Variants in LRRC4C observed in about 807,000 individuals in gnomAD.
LRRC4C encodes the protein leucine rich repeat containing 4C.
Under a neutral mutation model 33.6 loss-of-function variants are expected in LRRC4C, and 5 were observed. The observed-to-expected ratio is 0.15, with a 90% confidence interval of 0.08 to 0.31. The LOEUF is 0.31. Among genes scored for constraint, LRRC4C ranks in the 10% least tolerant of loss-of-function variants. LRRC4C has a pLI of 1.00. For synonymous variants in LRRC4C, 329 were observed against 302.0 expected (o/e 1.09, Z -0.93); for missense variants, 560 against 796.7 (o/e 0.70, Z 3.58).
At chr11:41,450,986 G>A (rs1416255866) in intron 1 of LRRC4C, among the ~76,000 whole-genome samples, 1 of 151,714 alleles carries the variant, frequency 6.6e-6, no homozygotes, top group Non-Finnish European at 1.5e-5. Flanking sequence ...TTATTTTTTG[G>A]TTCTGAATCC....
Position 40,519,269 on chromosome 11 carries a change from G to A in LRRC4C, c.-270+128873C>T, listed in dbSNP as rs147403542. Among the ~76,000 whole-genome samples, 1,172 of 152,128 alleles carry A rather than the reference G, an allele frequency of 7.7e-3. 17 individuals are homozygous for A. The highest frequency in any genetic ancestry group is 0.026 in the African/African-American group (1,089 of 41,538). On this transcript the variant is annotated intron_variant, in intron 3 of 6. Coordinates refer to ENST00000528697, the MANE Select transcript of LRRC4C (RefSeq NM_001258419.2). ...AAATCAAATAGTTTTTTAAAAAAGA[G>A]AGAAGTCTTATGAAGTAGAAATCCT...
intron 3 of LRRC4C, among the ~76,000 whole-genome samples, chr11:40,581,980 A>G (rs984357416): frequency 1.3e-5 from 2 of 152,182 alleles, no homozygotes; most frequent in South Asian, 2.1e-4. Flanking sequence ...GAAATTTTAT[A>G]TACAGTAAGA....
intron 4 of LRRC4C, among the ~76,000 whole-genome samples, chr11:40,273,159 G>A (rs929605051): frequency 4.6e-5 from 7 of 152,100 alleles, no homozygotes; most frequent in East Asian, 3.9e-4. Flanking sequence ...GATTTAATAC[G>A]CAGTATGTAT....
chr11:41,343,944 CTAATCA>C (rs1951719084), intron 1 of LRRC4C, among the ~76,000 whole-genome samples: 1 of 152,182 alleles, frequency 6.6e-6, no homozygotes, highest in South Asian at 2.1e-4. Flanking sequence ...AAACTTTCCG[CTAATCA>C]GAGCACATAA....
chr11:40,225,977 TCTAA>T (rs769359115), intron 5 of LRRC4C, among the ~76,000 whole-genome samples: 4 of 152,172 alleles, frequency 2.6e-5, no homozygotes, highest in South Asian at 2.1e-4. Flanking sequence ...ATACTACACT[TCTAA>T]CTGAGAGACT....
intron 1 of LRRC4C, among the ~76,000 whole-genome samples, chr11:41,313,213 T>C (rs1454776160): frequency 6.6e-6 from 1 of 152,224 alleles, no homozygotes; most frequent in Non-Finnish European, 1.5e-5. Context: ...GAGTTTTCCA[T>C]CTCTCCACTT....
At chr11:40,135,272 C>A (rs951122035) in intron 6 of LRRC4C, among the ~76,000 whole-genome samples, 36 of 152,164 alleles carry the variant, frequency 2.4e-4, no homozygotes, top group Non-Finnish European at 5.0e-4. Flanking sequence ...TTACTTAAGG[C>A]AGTCCTCATT....
chr11:41,189,032 C>A (rs1945829505), intron 1 of LRRC4C, among the ~76,000 whole-genome samples: 2 of 151,728 alleles, frequency 1.3e-5, no homozygotes, highest in South Asian at 4.2e-4. Context: ...AAGAATATTT[C>A]TTGTTCACCT....
chr11:40,265,957 A>G (rs1357303320), intron 4 of LRRC4C, among the ~76,000 whole-genome samples: 1 of 152,232 alleles, frequency 6.6e-6, no homozygotes, highest in Non-Finnish European at 1.5e-5. Flanking sequence ...TTAATATAGT[A>G]TTCAAGTAAA....
chr11:41,320,599 G>T (rs1008072157), intron 1 of LRRC4C, among the ~76,000 whole-genome samples: 9 of 152,102 alleles, frequency 5.9e-5, no homozygotes, highest in African/African-American at 2.2e-4. Flanking sequence ...AAATCAGTTC[G>T]ACCTCCATAT....
chr11:41,349,778 C>T (rs2137554447), intron 1 of LRRC4C, among the ~76,000 whole-genome samples: 1 of 152,328 alleles, frequency 6.6e-6, no homozygotes, highest in East Asian at 1.9e-4. Context: ...TACCTCCAAA[C>T]AGCCACACTA....
At chr11:40,490,046 AC>A (rs1682299868) in intron 3 of LRRC4C, among the ~76,000 whole-genome samples, 1 of 152,142 alleles carries the variant, frequency 6.6e-6, no homozygotes. Context: ...AGAAGGAACT[AC>A]TCATGATCAG....
chr11:40,312,080 A>G (rs1945342906), intron 4 of LRRC4C, among the ~76,000 whole-genome samples: 1 of 152,140 alleles, frequency 6.6e-6, no homozygotes, highest in African/African-American at 2.4e-5. Context: ...GGTTAAGGCC[A>G]AAGAAGGGAA....
chr11:41,368,624 C>A (rs528729949), intron 1 of LRRC4C, among the ~76,000 whole-genome samples: 15 of 152,336 alleles, frequency 9.8e-5, no homozygotes, highest in Non-Finnish European at 1.9e-4. Context: ...GGTCTACCAA[C>A]CATCACACAT....
At chr11:40,625,531 ACCTCCCAAAGGGTCCCT>A (rs1962846435) in intron 3 of LRRC4C, among the ~76,000 whole-genome samples, 1 of 152,068 alleles carries the variant, frequency 6.6e-6, no homozygotes, top group Non-Finnish European at 1.5e-5. Context: ...TGATTCACTT[ACCTCCCAAAGGGTCCCT>A]CCTAGGACAC....
At position 40,267,683 on chromosome 11, in the gene LRRC4C, A is replaced by G. The variant is rs547218581; in HGVS notation, c.-175-26085T>C. Among the ~76,000 whole-genome samples, 31 of 152,280 alleles carry G rather than the reference A, an allele frequency of 2.0e-4. No individual in the cohort carries two copies. The East Asian group carries it at 5.6e-3, about 27-fold the overall frequency. On this transcript the variant is annotated intron_variant, in intron 4 of 6. Transcript: ENST00000528697. ...AAGTATGTTTTAAAGTGAGGTACTT[A>G]ATGGGGCATTCTGGGAGCCTCTTTG...
intron 2 of LRRC4C, among the ~76,000 whole-genome samples, chr11:40,878,156 A>G (rs1246928153): frequency 2.0e-5 from 3 of 152,030 alleles, no homozygotes. Context: ...GGTAGATAAC[A>G]TAATGGGTGG....
intron 3 of LRRC4C, among the ~76,000 whole-genome samples, chr11:40,328,537 T>A (rs919340501): frequency 3.3e-5 from 5 of 152,204 alleles, no homozygotes; most frequent in Non-Finnish European, 7.3e-5. Context: ...GTCATCATAC[T>A]CTTTCTGGGA....
chr11:41,191,429 C>T (rs571037189), intron 1 of LRRC4C, among the ~76,000 whole-genome samples: 9 of 152,272 alleles, frequency 5.9e-5, no homozygotes, highest in South Asian at 4.1e-4. Flanking sequence ...ACCAATTTAA[C>T]TAAACTCATC....
Sources: allele counts gnomAD v4.1 joint callset (sites outside exome capture counted in the v4.1 genomes callset), GRCh38; gene constraint gnomAD v4.1.1; transcripts MANE v1.5; gene names NCBI Gene and HGNC (gene_info 2026-07-23, HGNC 2026-07-21).